DOCK3: variants seen among roughly 807,000 people sequenced by gnomAD.
The protein encoded by DOCK3 is dedicator of cytokinesis 3.
DOCK3 carries 60 observed loss-of-function variants against 265.6 expected under a neutral mutation model. The observed-to-expected ratio is 0.23, with a 90% CI of 0.18 to 0.28. DOCK3 has a LOEUF of 0.28. Ranked by LOEUF, DOCK3 falls within the 10% of genes least tolerant of loss-of-function variation. The probability of loss-of-function intolerance (pLI) is 1.00; values close to 1 mark genes in which losing one functional copy is unlikely to be tolerated. For synonymous variants in DOCK3, 881 were observed against 938.0 expected, an observed-to-expected ratio of 0.94 and a Z score of 1.11; for missense variants, 1,981 against 2,594.3, an observed-to-expected ratio of 0.76 and a Z score of 5.14.
At chr3:50,780,013 A>C (rs2675812) in intron 2 of DOCK3, among the ~76,000 whole-genome samples, 14,338 of 152,180 alleles carry the variant, frequency 0.094, 836 homozygotes, top group Non-Finnish European at 0.12. Context: ...TAGTTGGGTT[A>C]CTGTTAAGAG....
At chr3:51,272,884 G>T (rs2080584954) in intron 24 of DOCK3, among the ~76,000 whole-genome samples, 1 of 151,996 alleles carries the variant, frequency 6.6e-6, no homozygotes. Context: ...AATGCTTTTG[G>T]CCGGGCACGG....
chr3:50,734,918 A>G (rs2038489927), intron 1 of DOCK3, among the ~76,000 whole-genome samples: 1 of 151,994 alleles, frequency 6.6e-6, no homozygotes, highest in African/African-American at 2.4e-5. Context: ...TGAGTTTTAT[A>G]CTTAATATAT....
intron 27 of DOCK3, among the ~76,000 whole-genome samples, chr3:51,282,683 AAAAG>A (rs941395571): frequency 1.9e-5 from 1 of 51,660 alleles, no homozygotes; most frequent in South Asian, 8.7e-4. Flanking sequence ...AAGAAAAGAA[AAAAG>A]AAAAAAAACT....
chr3:50,803,807 C>T (rs1427813641), intron 2 of DOCK3, among the ~76,000 whole-genome samples: 1 of 151,148 alleles, frequency 6.6e-6, no homozygotes, highest in Non-Finnish European at 1.5e-5. Flanking sequence ...CCCCACCTCC[C>T]TCCTGGAAGG....
intron 1 of DOCK3, among the ~76,000 whole-genome samples, chr3:50,733,526 A>G (rs972917457): frequency 6.6e-6 from 1 of 152,210 alleles, no homozygotes; most frequent in East Asian, 1.9e-4. Flanking sequence ...TTTGTCTGAT[A>G]CAAGTATAGC....
chr3:51,121,471 T>C (rs149365838), intron 9 of DOCK3, among the ~76,000 whole-genome samples: 9 of 152,280 alleles, frequency 5.9e-5, no homozygotes, highest in African/African-American at 2.2e-4. Context: ...GGAAGGCTTT[T>C]AGTGCAGGAA....
chr3:50,856,126 T>C (rs1021802287), intron 3 of DOCK3, among the ~76,000 whole-genome samples: 1 of 152,234 alleles, frequency 6.6e-6, no homozygotes, highest in African/African-American at 2.4e-5. Flanking sequence ...TTTGGTATTG[T>C]GAATAGTGCT....
chr3:51,292,172 G>A (rs2081821569), intron 27 of DOCK3, among the ~76,000 whole-genome samples: 2 of 152,178 alleles, frequency 1.3e-5, no homozygotes, highest in South Asian at 4.1e-4. Context: ...TTTTTTTTAA[G>A]ATCAGGAACA....
At chr3:50,841,638 C>G in intron 2 of DOCK3, 37 bp from the exon 3 acceptor site, 1 of 1,036,258 alleles carries the variant, frequency 9.7e-7, no homozygotes, top group East Asian at 2.7e-5. Context: ...TTGAACATGA[C>G]ATTGTGATTT....
intron 5 of DOCK3, among the ~76,000 whole-genome samples, chr3:50,992,950 T>C (rs2078161614): frequency 6.6e-6 from 1 of 152,172 alleles, no homozygotes; most frequent in South Asian, 2.1e-4. Context: ...ACCTAAAATT[T>C]TGTTCTTTTT....
chr3:51,225,191 T>TG (rs2108348577), intron 14 of DOCK3, among the ~76,000 whole-genome samples: 1 of 152,196 alleles, frequency 6.6e-6, no homozygotes, highest in South Asian at 2.1e-4. Context: ...TCAGAAGGGA[T>TG]GGGGATTACA....
intron 6 of DOCK3, among the ~76,000 whole-genome samples, chr3:51,072,729 A>G (rs2081922541): frequency 6.6e-6 from 1 of 151,974 alleles, no homozygotes; most frequent in South Asian, 2.1e-4. Context: ...TGTTTGAGAC[A>G]GGGTCTCTCT....
At chr3:51,209,574 A>G (rs1348947880) in intron 13 of DOCK3, among the ~76,000 whole-genome samples, 1 of 152,240 alleles carries the variant, frequency 6.6e-6, no homozygotes, top group Non-Finnish European at 1.5e-5. Flanking sequence ...GTTACTCCTG[A>G]CAGTTTTTAC....
At chr3:51,227,844 C>T in intron 16 of DOCK3, 138 bp from the exon 17 acceptor site, 3 of 828,308 alleles carry the variant, frequency 3.6e-6, no homozygotes, top group South Asian at 3.3e-5. Context: ...CATTTCTCAT[C>T]ATTCCTGCAG....
chr3:50,836,587 A>T (rs2045525233), intron 2 of DOCK3, among the ~76,000 whole-genome samples: 1 of 152,130 alleles, frequency 6.6e-6, no homozygotes, highest in South Asian at 2.1e-4. Flanking sequence ...TTGCCCAGGA[A>T]ACCATTTTTC....
intron 14 of DOCK3, among the ~76,000 whole-genome samples, chr3:51,220,723 A>G (rs942304153): frequency 1.4e-5 from 2 of 145,658 alleles, no homozygotes; most frequent in South Asian, 4.3e-4. Context: ...ATATATATAT[A>G]TATATATATA....
At chr3:51,261,146 C>T (rs1422225063) in intron 23 of DOCK3, among the ~76,000 whole-genome samples, 1 of 116,110 alleles carries the variant, frequency 8.6e-6, no homozygotes, top group Non-Finnish European at 1.9e-5. Context: ...ATAGGAACAG[C>T]TCCGGACTGC....
At chr3:51,183,643 A>G (rs973855167) in intron 12 of DOCK3, among the ~76,000 whole-genome samples, 1 of 152,216 alleles carries the variant, frequency 6.6e-6, no homozygotes, top group African/African-American at 2.4e-5. Context: ...TAAATTAATT[A>G]TAATACAAGA....
chr3:51,195,491 T>C (rs1017036753), intron 12 of DOCK3, among the ~76,000 whole-genome samples: 9 of 151,034 alleles, frequency 6.0e-5, no homozygotes, highest in African/African-American at 2.2e-4. Flanking sequence ...CTCGGCTCAC[T>C]GCAGCCTCCA....
Sources: gnomAD v4.1 joint callset for allele counts (sites outside exome capture counted in the v4.1 genomes callset) on GRCh38, gnomAD v4.1.1 for gene constraint, MANE v1.5 for transcripts, NCBI Gene and HGNC (gene_info 2026-07-23, HGNC 2026-07-21) for gene names.